FTO: variants seen among roughly 807,000 people sequenced by gnomAD.
The protein encoded by FTO is FTO alpha-ketoglutarate dependent dioxygenase.
FTO carries 47 observed loss-of-function variants against 63.9 expected under a neutral mutation model. That is an observed-to-expected ratio of 0.74 (90% CI 0.58 to 0.94). The LOEUF is 0.94. Among genes scored for constraint, FTO ranks in the 40% least tolerant of loss-of-function variants. The pLI, the probability that FTO is intolerant of heterozygous loss-of-function variation, is 0.00. For missense variants in FTO, 562 were observed against 618.1 expected (o/e 0.91, Z 0.96); for synonymous variants, 207 against 224.4 (o/e 0.92, Z 0.69).
At chr16:53,820,865 G>C (rs2078847293) in intron 2 of FTO, among the ~76,000 whole-genome samples, 2 of 152,116 alleles carry the variant, frequency 1.3e-5, no homozygotes, top group South Asian at 2.1e-4. Context: ...GAGGAGCCTG[G>C]GGGAAGTATT....
At chr16:53,717,221 G>A (rs2075915309) in intron 1 of FTO, among the ~76,000 whole-genome samples, 1 of 151,962 alleles carries the variant, frequency 6.6e-6, no homozygotes, top group African/African-American at 2.4e-5. Flanking sequence ...TGCCACCTGG[G>A]GAGGTAATGC....
chr16:53,771,697 A>G lies in FTO; in HGVS notation c.46-38443A>G, dbSNP rs569830028. ...CACAGCAGCGTTATTCATGATAGCCAAAAGTGGAAAAAACCCAAACGCCCA... is the reference window on the plus strand; with the variant it reads ...CACAGCAGCGTTATTCATGATAGCCGAAAGTGGAAAAAACCCAAACGCCCA... On this transcript the variant is annotated intron_variant, in intron 1 of 8. Coordinates refer to ENST00000471389, the MANE Select transcript of FTO (RefSeq NM_001080432.3). 3.3e-5 allele frequency among the ~76,000 whole-genome samples: 5 copies of G among 152,298 alleles called. No individual in the cohort carries two copies. The East Asian group carries it at 9.6e-4, about 29-fold the overall frequency.
chr16:53,987,870 A>G (rs1169790326), intron 8 of FTO, among the ~76,000 whole-genome samples: 4 of 152,194 alleles, frequency 2.6e-5, no homozygotes, highest in African/African-American at 7.2e-5. Context: ...GATAATGAAT[A>G]TGTAGGTACT....
At position 53,872,814 on chromosome 16, in the gene FTO, G is replaced by A. The variant is rs57173026; in HGVS notation, c.896-972G>A. Among the ~76,000 whole-genome samples, 1,319 of 152,246 alleles carry A rather than the reference G, an allele frequency of 8.7e-3. 25 individuals are homozygous for A. The highest frequency in any genetic ancestry group is 0.031 in the African/African-American group (1,270 of 41,542). ...TTTGGTATCTTGATAAAAATCTTGTGTTGCCTGTATAGGATGCCATTGCTG... is the reference window on the plus strand; with the variant it reads ...TTTGGTATCTTGATAAAAATCTTGTATTGCCTGTATAGGATGCCATTGCTG... On this transcript the variant is annotated intron_variant, in intron 4 of 8. Transcript: ENST00000471389.
chr16:53,758,264 AG>A (rs952875833), intron 1 of FTO, among the ~76,000 whole-genome samples: 2 of 152,222 alleles, frequency 1.3e-5, no homozygotes, highest in Non-Finnish European at 2.9e-5. Context: ...ACTTTTCAAA[AG>A]AAGCAGGACA....
At chr16:54,004,997 G>A (rs2084162667) in intron 8 of FTO, among the ~76,000 whole-genome samples, 1 of 150,692 alleles carries the variant, frequency 6.6e-6, no homozygotes, top group African/African-American at 2.4e-5. Flanking sequence ...GTGAACCTGG[G>A]AGGCAGAGCT....
intron 8 of FTO, among the ~76,000 whole-genome samples, chr16:54,003,824 A>T (rs994580131): frequency 6.6e-6 from 1 of 152,224 alleles, no homozygotes; most frequent in African/African-American, 2.4e-5. Flanking sequence ...TAGTCTTTTT[A>T]AAAAAAGATG....
At chr16:53,724,866 C>A (rs933258979) in intron 1 of FTO, among the ~76,000 whole-genome samples, 2 of 152,092 alleles carry the variant, frequency 1.3e-5, no homozygotes, top group Non-Finnish European at 2.9e-5. Context: ...GGCACCATAC[C>A]CTCTATTTCC....
In FTO at chr16:54,030,464, G is replaced by A. The variant is rs569022635; in HGVS notation, c.1365-81298G>A. The stretch of plus-strand genomic sequence containing the variant: ...TATATGGGAAATGCCTCAAAGAGAT[G>A]CATCCTAGTGAAGATGAGGAACATT... On this transcript the variant is annotated intron_variant, in intron 8 of 8. Transcript: ENST00000471389. Among the ~76,000 whole-genome samples the A allele has an allele frequency of 2.4e-4, 36 of 152,300 alleles. No homozygotes were observed. In the South Asian group the frequency reaches 6.6e-3, roughly 28 times the overall value.
intron 8 of FTO, among the ~76,000 whole-genome samples, chr16:54,021,082 T>G (rs1334321122): frequency 4.6e-5 from 7 of 152,234 alleles, no homozygotes; most frequent in African/African-American, 1.7e-4. Flanking sequence ...GTAGTATATG[T>G]GACACATACC....
Position 53,783,532 on chromosome 16 carries a change from C to T in FTO, c.46-26608C>T, listed in dbSNP as rs566663900. Among the ~76,000 whole-genome samples, 366 of 142,688 alleles carry T rather than the reference C, an allele frequency of 2.6e-3. 1 individual carries two copies. The highest frequency in any genetic ancestry group is 9.3e-3 in the African/African-American group (352 of 38,016). 93.6% of individuals were successfully genotyped at this position (142,688 alleles called of 152,430 possible). A position where few individuals can be genotyped will look rare whatever the true frequency, so the allele number is the denominator to read the frequency against. On this transcript the variant is annotated intron_variant, in intron 1 of 8. Coordinates refer to ENST00000471389, the MANE Select transcript of FTO (RefSeq NM_001080432.3). Reference sequence around the variant, plus strand: ...CTGAGGCAAGAGAATGGCGTGAACCCGGGAGGCGGAGCTTGCAGTGAAACG... The same window carrying T: ...CTGAGGCAAGAGAATGGCGTGAACCTGGGAGGCGGAGCTTGCAGTGAAACG...
chr16:53,961,457 T>C (rs1180280524), intron 8 of FTO, among the ~76,000 whole-genome samples: 1 of 152,254 alleles, frequency 6.6e-6, no homozygotes, highest in East Asian at 1.9e-4. Context: ...TTTATGGTAA[T>C]TGCTGTCTAT....
chr16:54,034,963 A>G (rs1173117978), intron 8 of FTO, among the ~76,000 whole-genome samples: 1 of 152,220 alleles, frequency 6.6e-6, no homozygotes, highest in Admixed American at 6.5e-5. Context: ...ATGTATGGTC[A>G]CTACTCTAAA....
In FTO at chr16:53,888,900, G is replaced by T. The variant is rs201572715; in HGVS notation, c.1188G>T (p.Trp396Cys). The change falls in exon 7 of 9, where the codon TGG becomes TGT. Residue 396 changes from tryptophan (W) to cysteine (C), a missense_variant. Trp to Cys is a radical substitution (Grantham distance 215). Coordinates refer to ENST00000471389, the MANE Select transcript of FTO (RefSeq NM_001080432.3). ...GATACAGAAAGTGCACTGACTGGTGGTGTCAACCCATGGCTCAACTGGAAG... is the reference window on the plus strand; with the variant it reads ...GATACAGAAAGTGCACTGACTGGTGTTGTCAACCCATGGCTCAACTGGAAG... ...GNRYRKCTDW[W>C]CQPMAQLEAL... The T allele has an allele frequency of 1.2e-6, 2 of 1,613,972 alleles. No homozygotes were observed. Among genetic ancestry groups the T allele is most frequent in the African/African-American group, 1.3e-5 (1 of 74,934 alleles).
intron 1 of FTO, among the ~76,000 whole-genome samples, chr16:53,744,761 G>T (rs1395143053): frequency 2.0e-5 from 3 of 152,122 alleles, no homozygotes; most frequent in Admixed American, 2.0e-4. Flanking sequence ...AGACAAGATG[G>T]AAAGCTTAAC....
At chr16:53,824,116 T>A (rs1598752541) in intron 2 of FTO, among the ~76,000 whole-genome samples, 1 of 152,208 alleles carries the variant, frequency 6.6e-6, no homozygotes, top group African/African-American at 2.4e-5. Flanking sequence ...TAAGAGCGAT[T>A]GTATAAGATG....
At chr16:53,811,574 C>T (rs2078524321) in intron 2 of FTO, among the ~76,000 whole-genome samples, 1 of 152,108 alleles carries the variant, frequency 6.6e-6, no homozygotes, top group African/African-American at 2.4e-5. Context: ...CTCTTTGCCC[C>T]CCTTCATCCT....
chr16:53,717,178 T>G (rs2151479008), intron 1 of FTO, among the ~76,000 whole-genome samples: 1 of 152,176 alleles, frequency 6.6e-6, no homozygotes, highest in South Asian at 2.1e-4. Context: ...ATGGGCTAAC[T>G]TTTGTTAAGA....
intron 8 of FTO, among the ~76,000 whole-genome samples, chr16:53,971,258 T>A (rs1310598959): frequency 6.6e-6 from 1 of 152,240 alleles, no homozygotes; most frequent in Non-Finnish European, 1.5e-5. Flanking sequence ...TACCGCTTTC[T>A]CCTTTTTTTG....
Sources: allele counts gnomAD v4.1 joint callset (sites outside exome capture counted in the v4.1 genomes callset), GRCh38; gene constraint gnomAD v4.1.1; transcripts MANE v1.5; gene names NCBI Gene and HGNC (gene_info 2026-07-23, HGNC 2026-07-21).